The following EXOC6B variants were observed in gnomAD, a reference collection of about 807,000 sequenced individuals.
The protein encoded by EXOC6B is exocyst complex component 6B, also known as SEC15 homolog B.
A neutral mutation model predicts 113.5 loss-of-function variants in EXOC6B; 54 were observed. That is an observed-to-expected ratio of 0.48 (90% confidence interval 0.38 to 0.60). The LOEUF (loss-of-function observed/expected upper bound fraction) is 0.60, where lower values mean the gene tolerates loss of function less well. EXOC6B is among the 20% of genes least tolerant of loss of function. EXOC6B has a pLI of 0.00. For missense variants in EXOC6B, 797 were observed against 977.5 expected (o/e 0.82, Z 2.46); for synonymous variants, 357 against 339.0 (o/e 1.05, Z -0.58).
At chr2:72,421,836 G>C (rs1275575380) in intron 18 of EXOC6B, among the ~76,000 whole-genome samples, 1 of 152,216 alleles carries the variant, frequency 6.6e-6, no homozygotes, top group Non-Finnish European at 1.5e-5. Flanking sequence ...AGGGAGAGGC[G>C]CGAGCGGGAA....
intron 19 of EXOC6B, among the ~76,000 whole-genome samples, chr2:72,359,756 A>G (rs1247282804): frequency 2.6e-5 from 4 of 152,074 alleles, no homozygotes; most frequent in African/African-American, 9.7e-5. Flanking sequence ...TCCCCTCCAA[A>G]TCTCACGTTG....
chr2:72,381,015 C>T (rs1367576695), intron 18 of EXOC6B, among the ~76,000 whole-genome samples: 1 of 152,148 alleles, frequency 6.6e-6, no homozygotes, highest in Non-Finnish European at 1.5e-5. Flanking sequence ...AACGTATCCC[C>T]TAAACATTAC....
At chr2:72,447,245 C>T (rs962599645) in intron 18 of EXOC6B, among the ~76,000 whole-genome samples, 1 of 152,116 alleles carries the variant, frequency 6.6e-6, no homozygotes, top group Non-Finnish European at 1.5e-5. Flanking sequence ...TTCCATTAAA[C>T]TCTGAGCTAG....
At chr2:72,289,197 G>A (rs1228891363) in intron 20 of EXOC6B, 2 of 165,028 alleles carry the variant, frequency 1.2e-5, no homozygotes, top group Non-Finnish European at 2.6e-5. Context: ...TTCTGGGTGT[G>A]AGGCATTGGA....
chr2:72,359,739 T>A (rs6755440), intron 19 of EXOC6B, among the ~76,000 whole-genome samples: 32,211 of 152,062 alleles, frequency 0.21, 6,490 homozygotes, highest in African/African-American at 0.54. Flanking sequence ...TTCTGTTTGT[T>A]TATTTGTCCC....
intron 1 of EXOC6B, among the ~76,000 whole-genome samples, chr2:72,793,355 C>A (rs573768564): frequency 8.5e-5 from 13 of 152,298 alleles, no homozygotes; most frequent in African/African-American, 2.9e-4. Context: ...ATAAGAACAG[C>A]CTGCATTTAA....
chr2:72,280,949 C>A (rs1243322856), intron 20 of EXOC6B, among the ~76,000 whole-genome samples: 1 of 151,862 alleles, frequency 6.6e-6, no homozygotes, highest in African/African-American at 2.4e-5. Flanking sequence ...CAATGCTAAG[C>A]TATAGAGGGC....
At chr2:72,349,179 C>G (rs1212553271) in intron 19 of EXOC6B, among the ~76,000 whole-genome samples, 13 of 152,114 alleles carry the variant, frequency 8.5e-5, no homozygotes, top group Admixed American at 8.5e-4. Context: ...TTGTTTAAAG[C>G]TATGGGACTG....
intron 6 of EXOC6B, among the ~76,000 whole-genome samples, chr2:72,680,697 C>T (rs368413349): frequency 1.3e-5 from 2 of 151,228 alleles, no homozygotes; most frequent in Non-Finnish European, 2.9e-5. Flanking sequence ...TGAGATCTTG[C>T]GACTGCACTA....
chr2:72,331,971 A>G (rs1688438644), intron 20 of EXOC6B, among the ~76,000 whole-genome samples: 1 of 152,126 alleles, frequency 6.6e-6, no homozygotes, highest in South Asian at 2.1e-4. Flanking sequence ...TTCATCAAAT[A>G]TTCCACATTT....
intron 1 of EXOC6B, among the ~76,000 whole-genome samples, chr2:72,753,851 G>A (rs1300237467): frequency 6.6e-6 from 1 of 152,134 alleles, no homozygotes; most frequent in Non-Finnish European, 1.5e-5. Context: ...TCAAGGTTCA[G>A]CTCAAAACTC....
intron 6 of EXOC6B, among the ~76,000 whole-genome samples, chr2:72,603,123 A>C (rs1257287970): frequency 4.2e-5 from 6 of 144,428 alleles, no homozygotes; most frequent in African/African-American, 1.5e-4. Context: ...TTTCTTTACC[A>C]CCAGGGAATA....
At chr2:72,401,582 C>CACAT (rs1553397955) in intron 18 of EXOC6B, among the ~76,000 whole-genome samples, 488 of 18,410 alleles carry the variant, frequency 0.027, 42 homozygotes, top group Non-Finnish European at 0.036. Flanking sequence ...TATATATATA[C>CACAT]ATATATATAT....
At chr2:72,615,158 C>T (rs933101128) in intron 6 of EXOC6B, among the ~76,000 whole-genome samples, 1 of 151,896 alleles carries the variant, frequency 6.6e-6, no homozygotes, top group Non-Finnish European at 1.5e-5. Context: ...GAGATAAAGA[C>T]CATCTAATAT....
At chr2:72,494,202 T>TA (rs1699910750) in intron 15 of EXOC6B, among the ~76,000 whole-genome samples, 1 of 152,140 alleles carries the variant, frequency 6.6e-6, no homozygotes, top group Non-Finnish European at 1.5e-5. Flanking sequence ...TTTACCATAT[T>TA]ACCTTTCTTC....
chr2:72,695,307 G>A (rs940096609), intron 6 of EXOC6B, among the ~76,000 whole-genome samples: 4 of 152,122 alleles, frequency 2.6e-5, no homozygotes, highest in South Asian at 2.1e-4. Context: ...GGACAACCAC[G>A]TATGAAAAGC....
intron 11 of EXOC6B, among the ~76,000 whole-genome samples, chr2:72,501,842 CTTGA>C (rs916319914): frequency 2.0e-5 from 3 of 151,304 alleles, no homozygotes; most frequent in African/African-American, 7.3e-5. Context: ...TCACTGCAGC[CTTGA>C]CCCCCTGGGT....
chr2:72,514,601 A>ATATATAT (rs71884143), intron 10 of EXOC6B, 33 bp downstream of exon 10: 40 of 85,404 alleles, frequency 4.7e-4, no homozygotes, highest in South Asian at 2.1e-3. Flanking sequence ...TAAATAAATA[A>ATATATAT]ATAAATATAT....
At chr2:72,331,817 T>C (rs1428156230) in intron 20 of EXOC6B, among the ~76,000 whole-genome samples, 3 of 152,104 alleles carry the variant, frequency 2.0e-5, no homozygotes, top group Non-Finnish European at 4.4e-5. Context: ...AAAATGTCAT[T>C]TCTCTCTTTC....
Sources: allele counts gnomAD v4.1 joint callset (sites outside exome capture counted in the v4.1 genomes callset), GRCh38; gene constraint gnomAD v4.1.1; transcripts MANE v1.5; gene names NCBI Gene and HGNC (gene_info 2026-07-23, HGNC 2026-07-21).